Variants in NFKB1 observed in about 807,000 individuals in gnomAD.
NFKB1 encodes nuclear factor NF-kappa-B p105 subunit.
NFKB1 carries 9 observed loss-of-function variants against 105.1 expected under a neutral mutation model. The ratio of observed to expected loss-of-function variants is 0.09; its 90% CI spans 0.05 to 0.15. The LOEUF (loss-of-function observed/expected upper bound fraction) is 0.15, where lower values mean the gene tolerates loss of function less well. Among genes scored for constraint, NFKB1 ranks in the 10% least tolerant of loss-of-function variants. NFKB1 has a pLI of 1.00. For synonymous variants in NFKB1, 440 were observed against 442.2 expected (o/e 1.00, Z 0.06); for missense variants, 830 against 1,203.7 (o/e 0.69, Z 4.59).
At chr4:102,537,422 T>G (rs1741712861) in intron 4 of NFKB1, among the ~76,000 whole-genome samples, 3 of 152,212 alleles carry the variant, frequency 2.0e-5, no homozygotes, top group Admixed American at 2.0e-4. Flanking sequence ...GAACCAGCTG[T>G]AATCAGAGTA....
In NFKB1 at chr4:102,596,353, C is replaced by T. The variant is rs566835192; in HGVS notation, c.1495+21C>T. 9 of 1,571,780 alleles carry T rather than the reference C, an allele frequency of 5.7e-6. No individual in the cohort carries two copies. The East Asian group carries it at 6.8e-5, about 12-fold the overall frequency. ...TCAGGGTAAGTGAGCACACAAATTA[C>T]GTTCTGTTGGTTGGCTGGGGAGGGG... is the stretch of plus-strand genomic sequence containing the variant. On this transcript the variant is annotated intron_variant, in intron 14 of 23. Coordinates refer to ENST00000226574, the MANE Select transcript of NFKB1 (RefSeq NM_003998.4).
At chr4:102,600,176 G>A (rs1727017002) in intron 15 of NFKB1, among the ~76,000 whole-genome samples, 1 of 152,194 alleles carries the variant, frequency 6.6e-6, no homozygotes, top group Admixed American at 6.5e-5. Flanking sequence ...AGTATTCTCT[G>A]AGGATGTCAG....
chr4:102,610,879 T>C (rs55765841), intron 20 of NFKB1, among the ~76,000 whole-genome samples, 180 bp downstream of exon 20: 1 of 152,156 alleles, frequency 6.6e-6, no homozygotes, highest in Admixed American at 6.5e-5. Flanking sequence ...AAGATCTAGG[T>C]CAGCTGAGTT....
At position 102,597,624 on chromosome 4, in the gene NFKB1, C is replaced by T; in HGVS notation, c.1600C>T (p.Arg534Cys). The T allele has an allele frequency of 1.2e-6, 2 of 1,613,664 alleles. No individual in the cohort carries two copies. Among genetic ancestry groups the T allele is most frequent in the South Asian group, 1.1e-5 (1 of 90,940 alleles). ...CGTGAAGATGCTGCTGGCCGTCCAG[C>T]GCCATCTCACTGCTGTGCAGGATGA... ...GDVKMLLAVQ[R>C]HLTAVQDENG... Residue 534 changes from arginine (R) to cysteine (C), a missense_variant, in exon 15 of 24, where the codon CGC becomes TGC. By Grantham distance (180) the Arg-to-Cys change is radical (BLOSUM62 -3). Transcript: ENST00000226574.
intron 6 of NFKB1, among the ~76,000 whole-genome samples, chr4:102,569,901 T>A (rs970502781): frequency 3.9e-5 from 6 of 152,166 alleles, no homozygotes; most frequent in Non-Finnish European, 5.9e-5. Context: ...TTGTCTTTTT[T>A]AAAATTCATT....
chr4:102,567,351 A>G (rs1723963379), intron 6 of NFKB1, among the ~76,000 whole-genome samples: 1 of 152,106 alleles, frequency 6.6e-6, no homozygotes, highest in Non-Finnish European at 1.5e-5. Context: ...CCCTGACCTA[A>G]TTGTTTATAG....
chr4:102,536,796 T>C (rs1164111412), intron 4 of NFKB1, among the ~76,000 whole-genome samples: 1 of 152,130 alleles, frequency 6.6e-6, no homozygotes, highest in Non-Finnish European at 1.5e-5. Context: ...GGTGAGAATG[T>C]TCCTTAAAAA....
intron 3 of NFKB1, among the ~76,000 whole-genome samples, chr4:102,532,871 T>C (rs1741389220): frequency 1.3e-5 from 2 of 152,282 alleles, no homozygotes; most frequent in South Asian, 4.1e-4. Context: ...ATTGCAAAGC[T>C]ATGGATTATT....
intron 6 of NFKB1, among the ~76,000 whole-genome samples, chr4:102,568,628 A>C (rs1724070023): frequency 6.6e-6 from 1 of 152,124 alleles, no homozygotes; most frequent in South Asian, 2.1e-4. Flanking sequence ...TTTTAGATGA[A>C]GTTTTCTACT....
intron 1 of NFKB1, 83 bp from the exon 2 acceptor site, chr4:102,525,429 T>A: frequency 7.5e-7 from 1 of 1,332,324 alleles, no homozygotes; most frequent in Non-Finnish European, 1.1e-6. Flanking sequence ...ATACAGTTTA[T>A]TCCTGCATGA....
chr4:102,607,602 G>A, intron 18 of NFKB1, 47 bp from the exon 19 acceptor site: 1 of 1,586,606 alleles, frequency 6.3e-7, no homozygotes, highest in Non-Finnish European at 8.7e-7. Context: ...GGACAAAAGG[G>A]CAAAAGAACC....
At chr4:102,512,380 G>A (rs914244285) in intron 1 of NFKB1, among the ~76,000 whole-genome samples, 12 of 151,986 alleles carry the variant, frequency 7.9e-5, no homozygotes, top group Admixed American at 5.9e-4. Context: ...ATGTGGTGTC[G>A]CTCTGTCACA....
chr4:102,612,062 G>A lies in NFKB1; in HGVS notation c.2371G>A (p.Gly791Arg). 6.2e-7 allele frequency: 1 copy of A among 1,614,034 alleles called. No individual in the cohort carries two copies. Among genetic ancestry groups the A allele is most frequent in the Non-Finnish European group, 8.5e-7 (1 of 1,179,910 alleles). The change falls in exon 21 of 24, where the codon GGG becomes AGG. Residue 791 changes from glycine to arginine, a missense_variant. This residue lies in a region of NFKB1 where 418 missense variants were observed against 575.3 expected (regional missense o/e 0.73). Transcript: ENST00000226574. ...CCAACAGGTATTTGACATATTAAAT[G>A]GGAAACCATATGAGCCAGAGTTTAC... ...TSWQVFDILN[G>R]KPYEPEFTSD... is the part of the protein sequence containing the mutation.
At chr4:102,582,795 T>C (rs764715311) in intron 9 of NFKB1, 71 bp from the exon 10 acceptor site, 14 of 1,007,754 alleles carry the variant, frequency 1.4e-5, no homozygotes, top group Admixed American at 9.7e-5. Context: ...AAACCAGTTT[T>C]ATTTTTCAGC....
Position 102,578,686 on chromosome 4 carries a change from G to T in NFKB1, c.572-195G>T, listed in dbSNP as rs55654198. Reference sequence around the variant, plus strand: ...TTACTGTAATCCGGAGAAAATGCAGGTCTTCTTTGATGCCTTTCATATTGG... The same window carrying T: ...TTACTGTAATCCGGAGAAAATGCAGTTCTTCTTTGATGCCTTTCATATTGG... On this transcript the variant is annotated intron_variant, in intron 7 of 23. Transcript: ENST00000226574. 602 of 529,842 alleles carry T rather than the reference G, an allele frequency of 1.1e-3. 4 individuals carry two copies. In the East Asian group the frequency reaches 0.015, roughly 13 times the overall value. 32.8% of individuals were successfully genotyped at this position (529,842 alleles called of 1,614,324 possible). A position where few individuals can be genotyped will look rare whatever the true frequency, so the allele number is the denominator to read the frequency against.
chr4:102,569,703 C>G (rs1437168098), intron 6 of NFKB1, among the ~76,000 whole-genome samples: 1 of 152,062 alleles, frequency 6.6e-6, no homozygotes, highest in African/African-American at 2.4e-5. Flanking sequence ...AAAAGAATTA[C>G]TTTCTTTGGA....
chr4:102,579,464 C>T (rs1386394747), intron 8 of NFKB1, among the ~76,000 whole-genome samples: 2 of 151,674 alleles, frequency 1.3e-5, no homozygotes, highest in African/African-American at 4.8e-5. Flanking sequence ...CTAGCTTTAT[C>T]AAGAGAGAAA....
intron 5 of NFKB1, among the ~76,000 whole-genome samples, chr4:102,548,459 CGTCGACG>C (rs1483891149): frequency 1.3e-5 from 2 of 152,068 alleles, no homozygotes; most frequent in Admixed American, 1.3e-4. Context: ...CTGGAAACTG[CGTCGACG>C]GTCACTGAGC....
intron 1 of NFKB1, among the ~76,000 whole-genome samples, chr4:102,518,706 G>A (rs1233802146): frequency 6.6e-6 from 1 of 152,098 alleles, no homozygotes; most frequent in Non-Finnish European, 1.5e-5. Context: ...AGGTCTTTTG[G>A]CTACTTGACT....
Sources: allele counts gnomAD v4.1 joint callset (sites outside exome capture counted in the v4.1 genomes callset), GRCh38; gene constraint gnomAD v4.1.1; regional missense constraint gnomAD v4.1.1; transcripts MANE v1.5; gene names NCBI Gene and HGNC (gene_info 2026-07-23, HGNC 2026-07-21).